Variants in PRDM6 observed in about 807,000 individuals in gnomAD.
PRDM6 encodes PR/SET domain 6.
Under a neutral mutation model 60.8 loss-of-function variants are expected in PRDM6, and 25 were observed. The observed-to-expected ratio is 0.41, with a 90% CI of 0.30 to 0.57. PRDM6 has a LOEUF of 0.57. Ranked by LOEUF, PRDM6 falls within the 20% of genes least tolerant of loss-of-function variation. The probability of loss-of-function intolerance (pLI) is 0.27; values close to 1 mark genes in which losing one functional copy is unlikely to be tolerated. For synonymous variants in PRDM6, 407 were observed against 357.4 expected (o/e 1.14, Z -1.57); for missense variants, 839 against 821.3 (o/e 1.02, Z -0.26).
At chr5:123,113,754 G>T (rs748246916) in intron 3 of PRDM6, among the ~76,000 whole-genome samples, 1 of 152,162 alleles carries the variant, frequency 6.6e-6, no homozygotes, top group African/African-American at 2.4e-5. Context: ...CCGGAGGTGA[G>T]CTTTCTTTTC....
chr5:123,132,400 G>A (rs912505354), intron 3 of PRDM6, among the ~76,000 whole-genome samples: 2 of 142,582 alleles, frequency 1.4e-5, no homozygotes, highest in Admixed American at 6.9e-5. Flanking sequence ...AGTTATGTGG[G>A]TGGTTGTGTG....
chr5:123,159,622 T>C lies in PRDM6; in HGVS notation c.1137T>C (p.Ile379=). 6.4e-7 allele frequency: 1 copy of C among 1,551,036 alleles called. No individual in the cohort carries two copies. The highest frequency in any genetic ancestry group is 8.7e-7 in the Non-Finnish European group (1 of 1,146,324). ...TCTTTGGGATCCCCTTACAATGCAT[T>C]GCCCAGGATGAAAACTGTAAGAATT... is the stretch of plus-strand genomic sequence containing the variant. ...TSFFGIPLQC[I]AQDENLNVPS... Residue 379 remains isoleucine, a synonymous_variant, in exon 5 of 8, where the codon ATT becomes ATC. Transcript: ENST00000407847.
At chr5:123,098,526 G>A (rs1369602731) in intron 2 of PRDM6, among the ~76,000 whole-genome samples, 4 of 152,206 alleles carry the variant, frequency 2.6e-5, no homozygotes, top group African/African-American at 9.6e-5. Context: ...TCCCGTGGCC[G>A]CCTGCCTCCT....
In PRDM6 at chr5:123,105,887, A is replaced by T. The variant is rs1764189106; in HGVS notation, c.900+5926A>T. Among the ~76,000 whole-genome samples the T allele has an allele frequency of 1.3e-5, 2 of 152,194 alleles. 1 individual carries two copies. Among genetic ancestry groups the T allele is most frequent in the African/African-American group, 4.8e-5 (2 of 41,456 alleles). The stretch of plus-strand genomic sequence containing the variant: ...ATAAGTTACAGAATTCCATTATCCA[A>T]ATTGTTACACATGTGTGACAGAGGT... On this transcript the variant is annotated intron_variant, in intron 3 of 7. Coordinates refer to ENST00000407847, the MANE Select transcript of PRDM6 (RefSeq NM_001136239.4).
At chr5:123,123,521 G>T (rs915791441) in intron 3 of PRDM6, among the ~76,000 whole-genome samples, 9 of 152,130 alleles carry the variant, frequency 5.9e-5, no homozygotes, top group African/African-American at 1.9e-4. Context: ...GCATTTCATT[G>T]GTAGGCTTTA....
intron 7 of PRDM6, among the ~76,000 whole-genome samples, chr5:123,183,202 A>G (rs1479922263): frequency 6.6e-6 from 1 of 152,208 alleles, no homozygotes; most frequent in East Asian, 1.9e-4. Context: ...TTGTAAAGGC[A>G]CATAACCCTC....
intron 5 of PRDM6, among the ~76,000 whole-genome samples, chr5:123,163,222 AT>A (rs1765676178): frequency 6.6e-6 from 1 of 152,232 alleles, no homozygotes; most frequent in African/African-American, 2.4e-5. Context: ...TTTCAGGCAG[AT>A]TTTTTGTTGT....
intron 6 of PRDM6, among the ~76,000 whole-genome samples, chr5:123,177,243 G>A (rs951236078): frequency 9.9e-5 from 15 of 152,162 alleles, no homozygotes; most frequent in African/African-American, 3.6e-4. Flanking sequence ...CATATTTTAA[G>A]GAAATATTGA....
intron 6 of PRDM6, among the ~76,000 whole-genome samples, chr5:123,178,269 G>A (rs1344964509): frequency 6.6e-6 from 1 of 152,164 alleles, no homozygotes; most frequent in African/African-American, 2.4e-5. Flanking sequence ...ATTAAAAATA[G>A]ATAACCAGAG....
chr5:123,146,359 T>G (rs1765239673), intron 3 of PRDM6, among the ~76,000 whole-genome samples: 1 of 152,216 alleles, frequency 6.6e-6, no homozygotes, highest in Non-Finnish European at 1.5e-5. Context: ...GTGTGAGCAT[T>G]AACTTAAATG....
intron 3 of PRDM6, among the ~76,000 whole-genome samples, chr5:123,116,239 G>T (rs937042851): frequency 5.9e-5 from 9 of 152,130 alleles, no homozygotes; most frequent in African/African-American, 2.2e-4. Context: ...GGAACTAAAC[G>T]CCTCCACACA....
intron 2 of PRDM6, among the ~76,000 whole-genome samples, chr5:123,095,930 G>A (rs1376774735): frequency 2.0e-5 from 3 of 152,110 alleles, no homozygotes; most frequent in Non-Finnish European, 4.4e-5. Flanking sequence ...CCTTAAAATA[G>A]ATATATTGTA....
chr5:123,163,338 A>G (rs1403939164), intron 5 of PRDM6, among the ~76,000 whole-genome samples: 2 of 152,186 alleles, frequency 1.3e-5, no homozygotes, highest in Non-Finnish European at 2.9e-5. Context: ...CTTTTTTCCC[A>G]TGGTTCTTTC....
rs952923362 is a variant in PRDM6 at position 123,190,287 on chromosome 5, G to A, written c.*3086G>A. 1 of 152,142 alleles carries A rather than the reference G, an allele frequency of 6.6e-6. No homozygotes were observed. Among genetic ancestry groups the A allele is most frequent in the Non-Finnish European group, 1.5e-5 (1 of 68,022 alleles). The allele number at this position is 152,142 out of a possible 1,614,324, so 9.4% of individuals were successfully genotyped here. On this transcript the variant is annotated 3_prime_UTR_variant, in exon 8 of 8. Coordinates refer to ENST00000407847, the MANE Select transcript of PRDM6 (RefSeq NM_001136239.4). ...GGTAATGCCAGGGAAAAGTCAGGGT[G>A]CAATAGGATGAGAGATGGAGCTGCA... is the stretch of plus-strand genomic sequence containing the variant.
chr5:123,145,914 A>G (rs1243409254), intron 3 of PRDM6, among the ~76,000 whole-genome samples: 1 of 152,068 alleles, frequency 6.6e-6, no homozygotes, highest in African/African-American at 2.4e-5. Context: ...AAGAAGTAAA[A>G]CCATAGGAAA....
At chr5:123,171,157 C>T in intron 6 of PRDM6, 49 bp downstream of exon 6, 1 of 1,426,978 alleles carries the variant, frequency 7.0e-7, no homozygotes, top group Non-Finnish European at 9.4e-7. Context: ...GTGAGACCCA[C>T]TGCTTGCCTT....
At chr5:123,134,429 A>T (rs1764905201) in intron 3 of PRDM6, among the ~76,000 whole-genome samples, 1 of 152,130 alleles carries the variant, frequency 6.6e-6, no homozygotes, top group East Asian at 1.9e-4. Flanking sequence ...TCAAAGTAAT[A>T]AGTTTATTTT....
At position 123,122,528 on chromosome 5, in the gene PRDM6, T is replaced by C. The variant is rs982979754; in HGVS notation, c.900+22567T>C. Among the ~76,000 whole-genome samples the C allele has an allele frequency of 2.6e-5, 4 of 152,310 alleles. No homozygotes were observed. The South Asian group carries it at 6.2e-4, about 24-fold the overall frequency. ...TGATTGCTTCTTTTGTTCCTGGTGA[T>C]CATTTCTCGTTATAGGTGTTTTTCT... On this transcript the variant is annotated intron_variant, in intron 3 of 7. Transcript: ENST00000407847.
chr5:123,189,814 T>C lies in PRDM6; in HGVS notation c.*2613T>C, dbSNP rs1766371385. On this transcript the variant is annotated 3_prime_UTR_variant, in exon 8 of 8. Transcript: ENST00000407847. ...AGGCTGTCTGTCCACAAAGACAGGCTTACACCTGGACATTGACTTGGAACC... is the reference window on the plus strand; with the variant it reads ...AGGCTGTCTGTCCACAAAGACAGGCCTACACCTGGACATTGACTTGGAACC... 1 of 152,240 alleles carries C rather than the reference T, an allele frequency of 6.6e-6. No individual in the cohort carries two copies. Among genetic ancestry groups the C allele is most frequent in the Admixed American group, 6.5e-5 (1 of 15,280 alleles). 9.4% of individuals were successfully genotyped at this position (152,240 alleles called of 1,614,324 possible).
Sources: gnomAD v4.1 joint callset for allele counts (sites outside exome capture counted in the v4.1 genomes callset) on GRCh38, gnomAD v4.1.1 for gene constraint, MANE v1.5 for transcripts, NCBI Gene and HGNC (gene_info 2026-07-23, HGNC 2026-07-21) for gene names.